Variants in OSBPL10 observed in about 807,000 individuals in gnomAD.
OSBPL10 encodes the protein oxysterol-binding protein-related protein 10.
OSBPL10 carries 49 observed loss-of-function variants against 81.7 expected under a neutral mutation model. The ratio of observed to expected loss-of-function variants is 0.60; its 90% confidence interval spans 0.48 to 0.76. The LOEUF is 0.76. Among genes scored for constraint, OSBPL10 ranks in the 30% least tolerant of loss-of-function variants. The probability of loss-of-function intolerance (pLI) is 0.00; values close to 1 mark genes in which losing one functional copy is unlikely to be tolerated. For missense variants in OSBPL10, 923 were observed against 987.8 expected (o/e 0.93, Z 0.88); for synonymous variants, 419 against 383.6 (o/e 1.09, Z -1.08).
intron 4 of OSBPL10, among the ~76,000 whole-genome samples, chr3:31,781,700 T>G (rs1349258583): frequency 6.6e-6 from 1 of 152,156 alleles, no homozygotes; most frequent in African/African-American, 2.4e-5. Flanking sequence ...CAACCCCTTT[T>G]ACAACAACTA....
chr3:32,056,084 G>A (rs79832122), intron 1 of OSBPL10, among the ~76,000 whole-genome samples: 2,401 of 152,226 alleles, frequency 0.016, 60 homozygotes, highest in East Asian at 0.088. Context: ...AGCTTATTTT[G>A]TAAACAAATC....
At chr3:32,020,419 C>G (rs73826053) in intron 2 of OSBPL10, among the ~76,000 whole-genome samples, 4,563 of 152,204 alleles carry the variant, frequency 0.03, 242 homozygotes, top group African/African-American at 0.11. Flanking sequence ...TAGCTTTTTT[C>G]ATTTAGCATA....
At chr3:31,754,488 C>T (rs58049276) in intron 4 of OSBPL10, among the ~76,000 whole-genome samples, 69,856 of 151,924 alleles carry the variant, frequency 0.46, 16,507 homozygotes, top group East Asian at 0.64. Context: ...GGAAAAGACA[C>T]AGAAAGAGAA....
chr3:31,901,952 C>T (rs1277177666), intron 1 of OSBPL10, among the ~76,000 whole-genome samples: 3 of 152,116 alleles, frequency 2.0e-5, no homozygotes, highest in Admixed American at 6.5e-5. Context: ...ACTACTTTAA[C>T]CTAGGAGGCA....
chr3:31,860,848 T>G (rs1575587611), intron 3 of OSBPL10, among the ~76,000 whole-genome samples: 1 of 137,344 alleles, frequency 7.3e-6, no homozygotes, highest in South Asian at 2.3e-4. Context: ...TTTTGTGGGG[T>G]TTTTTGGGGT....
At chr3:31,798,413 A>G (rs541585209) in intron 4 of OSBPL10, among the ~76,000 whole-genome samples, 5 of 139,252 alleles carry the variant, frequency 3.6e-5, no homozygotes, top group Admixed American at 7.7e-5. Flanking sequence ...CTGGGTGACA[A>G]GAGCAAAACT....
At chr3:31,784,302 CAG>C (rs1468998697) in intron 4 of OSBPL10, among the ~76,000 whole-genome samples, 2 of 151,014 alleles carry the variant, frequency 1.3e-5, no homozygotes, top group African/African-American at 4.9e-5. Context: ...GCGGAGGTTG[CAG>C]AGAGCCAAGA....
At chr3:31,895,653 T>A (rs1696033630) in intron 1 of OSBPL10, among the ~76,000 whole-genome samples, 1 of 152,206 alleles carries the variant, frequency 6.6e-6, no homozygotes, top group Non-Finnish European at 1.5e-5. Flanking sequence ...GCTGTTTGAC[T>A]CTTCCTGTGC....
intron 3 of OSBPL10, among the ~76,000 whole-genome samples, chr3:31,831,643 G>A (rs1168564529): frequency 6.6e-6 from 1 of 152,120 alleles, no homozygotes; most frequent in Non-Finnish European, 1.5e-5. Flanking sequence ...AGGAAAATAT[G>A]TTCAACTGTA....
chr3:31,782,989 T>A (rs1276917846), intron 4 of OSBPL10, among the ~76,000 whole-genome samples: 2 of 151,934 alleles, frequency 1.3e-5, no homozygotes, highest in East Asian at 3.8e-4. Flanking sequence ...CTTGCACATG[T>A]ATGTTTATAG....
intron 10 of OSBPL10, among the ~76,000 whole-genome samples, chr3:31,664,984 A>G (rs1295571293): frequency 6.6e-6 from 1 of 152,096 alleles, no homozygotes; most frequent in Non-Finnish European, 1.5e-5. Context: ...CTACCCTGGC[A>G]TGGCAGGAGG....
chr3:31,719,110 C>G (rs1340355174), intron 6 of OSBPL10, among the ~76,000 whole-genome samples: 5 of 152,154 alleles, frequency 3.3e-5, no homozygotes, highest in African/African-American at 1.2e-4. Flanking sequence ...AGTGGGTGTT[C>G]CTGGACAGCA....
chr3:32,048,986 T>C (rs1020863253), intron 1 of OSBPL10, among the ~76,000 whole-genome samples: 1 of 152,146 alleles, frequency 6.6e-6, no homozygotes, highest in African/African-American at 2.4e-5. Context: ...ACCAGTGCTA[T>C]GACAGTTTAC....
intron 4 of OSBPL10, chr3:31,795,015 C>T (rs571876739): frequency 3.7e-5 from 9 of 245,628 alleles, no homozygotes; most frequent in African/African-American, 2.1e-4. Flanking sequence ...TCTTGCCCAG[C>T]TTGGGATTAC....
At chr3:31,897,103 A>T (rs1045372480) in intron 1 of OSBPL10, among the ~76,000 whole-genome samples, 3 of 152,214 alleles carry the variant, frequency 2.0e-5, no homozygotes, top group Non-Finnish European at 4.4e-5. Context: ...GGAATGACTT[A>T]GACAGAAGAA....
intron 1 of OSBPL10, among the ~76,000 whole-genome samples, chr3:31,894,894 G>A (rs932969737): frequency 2.6e-5 from 4 of 152,160 alleles, no homozygotes; most frequent in African/African-American, 7.2e-5. Context: ...AATTGACTAA[G>A]TTCTAACTAA....
chr3:31,878,809 G>A (rs1181580910), intron 2 of OSBPL10, among the ~76,000 whole-genome samples: 7 of 90,568 alleles, frequency 7.7e-5, no homozygotes, highest in African/African-American at 1.7e-4. Context: ...TAGACTCTGC[G>A]TGTCCATGTG....
At chr3:31,812,780 A>ACTTCTCCAAT (rs1699729882) in intron 4 of OSBPL10, among the ~76,000 whole-genome samples, 1 of 54,698 alleles carries the variant, frequency 1.8e-5, no homozygotes, top group Non-Finnish European at 3.4e-5. Context: ...GAAAGAAAGA[A>ACTTCTCCAAT]AGAAAGAAAG....
chr3:31,693,426 C>T (rs1052271421), intron 7 of OSBPL10, among the ~76,000 whole-genome samples: 3 of 152,180 alleles, frequency 2.0e-5, no homozygotes, highest in Admixed American at 6.5e-5. Context: ...ACAACGTGGC[C>T]AACCACAGAC....
Sources: gnomAD v4.1 joint callset for allele counts (sites outside exome capture counted in the v4.1 genomes callset) on GRCh38, gnomAD v4.1.1 for gene constraint, MANE v1.5 for transcripts, NCBI Gene and HGNC (gene_info 2026-07-23, HGNC 2026-07-21) for gene names.